The following MSRA variants were observed in gnomAD, a reference collection of about 807,000 sequenced individuals.
MSRA encodes methionine sulfoxide reductase A.
MSRA carries 54 observed loss-of-function variants against 31.3 expected under a neutral mutation model. That is an observed-to-expected ratio of 1.73 (90% CI 1.39 to 2.17). The LOEUF is 2.17. Among genes scored for constraint, MSRA ranks in the 30% most tolerant of loss-of-function variants. The probability of loss-of-function intolerance (pLI) is 0.00; values close to 1 mark genes in which losing one functional copy is unlikely to be tolerated. For missense variants in MSRA, 507 were observed against 300.9 expected (o/e 1.69, Z -5.07); for synonymous variants, 169 against 116.5 (o/e 1.45, Z -2.90).
intron 5 of MSRA, among the ~76,000 whole-genome samples, chr8:10,423,105 C>T (rs918036297): frequency 3.3e-5 from 5 of 152,234 alleles, no homozygotes; most frequent in East Asian, 1.9e-4. Flanking sequence ...TCGGCAGTCA[C>T]GAATGGTCAG....
At chr8:10,347,563 T>A (rs1211168030) in intron 5 of MSRA, among the ~76,000 whole-genome samples, 1 of 152,216 alleles carries the variant, frequency 6.6e-6, no homozygotes, top group Non-Finnish European at 1.5e-5. Context: ...TGGTTTGGAC[T>A]CTGACCTCAG....
In MSRA at chr8:10,193,859, C is replaced by G. The variant is rs571276838; in HGVS notation, c.143-13974C>G. ...TAGCTGATTTACATGTGCTGTATCTCTAGTAAGGGCAGGATTTTTTAAAAA... is the reference window on the plus strand; with the variant it reads ...TAGCTGATTTACATGTGCTGTATCTGTAGTAAGGGCAGGATTTTTTAAAAA... On this transcript the variant is annotated intron_variant, in intron 1 of 5. Coordinates refer to ENST00000317173, the MANE Select transcript of MSRA (RefSeq NM_012331.5). 7.9e-5 allele frequency among the ~76,000 whole-genome samples: 12 copies of G among 152,172 alleles called. No individual in the cohort carries two copies. In the South Asian group the frequency reaches 2.1e-3, roughly 26 times the overall value.
intron 2 of MSRA, among the ~76,000 whole-genome samples, chr8:10,208,286 A>T (rs1319771818): frequency 2.0e-5 from 3 of 152,144 alleles, no homozygotes; most frequent in Non-Finnish European, 4.4e-5. Context: ...ATTATTACAC[A>T]AAGATTAATC....
chr8:10,149,419 C>T (rs917261185), intron 1 of MSRA, among the ~76,000 whole-genome samples: 13 of 152,136 alleles, frequency 8.5e-5, no homozygotes, highest in East Asian at 1.9e-4. Context: ...CCACCGCGCC[C>T]GGCTGAGAAA....
At chr8:10,112,949 C>T (rs1343050550) in intron 1 of MSRA, among the ~76,000 whole-genome samples, 2 of 152,116 alleles carry the variant, frequency 1.3e-5, no homozygotes, top group Admixed American at 6.5e-5. Context: ...TCATTCCTGA[C>T]CACCCCGTCT....
At chr8:10,247,780 G>T (rs773438569) in intron 3 of MSRA, among the ~76,000 whole-genome samples, 1 of 152,052 alleles carries the variant, frequency 6.6e-6, no homozygotes, top group Non-Finnish European at 1.5e-5. Context: ...AGGCTTTTTT[G>T]TTGTTGTTGT....
At chr8:10,183,507 C>T (rs1245006911) in intron 1 of MSRA, among the ~76,000 whole-genome samples, 1 of 152,138 alleles carries the variant, frequency 6.6e-6, no homozygotes, top group Non-Finnish European at 1.5e-5. Context: ...CAGTCAGGGG[C>T]AGACCAAGGG....
intron 4 of MSRA, 103 bp from the exon 5 acceptor site, chr8:10,319,780 G>A (rs1173819702): frequency 3.7e-6 from 2 of 543,214 alleles, no homozygotes; most frequent in East Asian, 3.4e-5. Flanking sequence ...TCAGGCACAG[G>A]GACCATATGA....
intron 1 of MSRA, among the ~76,000 whole-genome samples, chr8:10,121,886 G>A (rs556205623): frequency 1.6e-4 from 24 of 147,464 alleles, no homozygotes; most frequent in African/African-American, 5.8e-4. Context: ...TTGTTATGTT[G>A]CCCAGGCTGG....
Position 10,176,134 on chromosome 8 carries a change from T to C in MSRA, c.143-31699T>C, listed in dbSNP as rs571187349. Among the ~76,000 whole-genome samples the C allele has an allele frequency of 2.0e-5, 3 of 152,340 alleles. No individual in the cohort carries two copies. In the East Asian group the frequency reaches 5.8e-4, roughly 29 times the overall value. ...GGAAATCTGTGTTTAATGCAGATCT[T>C]TTAAGCAGTTTGAAACGATCTCAAA... On this transcript the variant is annotated intron_variant, in intron 1 of 5. Transcript: ENST00000317173.
At chr8:10,068,205 C>T (rs75691029) in intron 1 of MSRA, among the ~76,000 whole-genome samples, 1 of 152,054 alleles carries the variant, frequency 6.6e-6, no homozygotes, top group African/African-American at 2.4e-5. Context: ...TTTAAGAGCT[C>T]TTTGTATATT....
chr8:10,306,580 G>A (rs375710539), intron 4 of MSRA, among the ~76,000 whole-genome samples: 1 of 152,088 alleles, frequency 6.6e-6, no homozygotes, highest in Non-Finnish European at 1.5e-5. Flanking sequence ...GGTGCTGACA[G>A]TGGTGATGAG....
intron 1 of MSRA, among the ~76,000 whole-genome samples, chr8:10,164,886 G>A (rs938363847): frequency 5.3e-5 from 8 of 152,104 alleles, no homozygotes; most frequent in African/African-American, 1.9e-4. Context: ...AAATTAGCCT[G>A]GTGTTGTCGC....
chr8:10,354,376 C>T (rs542779796), intron 5 of MSRA, among the ~76,000 whole-genome samples: 1 of 152,320 alleles, frequency 6.6e-6, no homozygotes, highest in South Asian at 2.1e-4. Context: ...GACACAACAG[C>T]AAGAATGAGT....
rs924729037 is a variant in MSRA, at chr8:10,428,130, C to G, written c.544-18C>G. ...TCTCTAGCATGGGAGCTGATGGCGC[C>G]TTTCTGTGTCCCCACAGGTTCTTTC... On this transcript the variant is annotated intron_variant, in intron 5 of 5. Coordinates refer to ENST00000317173, the MANE Select transcript of MSRA (RefSeq NM_012331.5). 6.2e-7 allele frequency: 1 copy of G among 1,606,096 alleles called. No homozygotes were observed. Among genetic ancestry groups the G allele is most frequent in the Admixed American group, 1.7e-5 (1 of 57,834 alleles).
chr8:10,061,267 G>C (rs1156767645), intron 1 of MSRA, among the ~76,000 whole-genome samples: 1 of 152,090 alleles, frequency 6.6e-6, no homozygotes, highest in African/African-American at 2.4e-5. Flanking sequence ...TGCACACTTG[G>C]ATCTTTTTAC....
intron 5 of MSRA, chr8:10,337,829 C>T (rs575918138): frequency 2.8e-5 from 20 of 702,304 alleles, no homozygotes; most frequent in African/African-American, 2.4e-4. Context: ...TAGTATGCAG[C>T]AAGGTGCCTT....
intron 1 of MSRA, among the ~76,000 whole-genome samples, chr8:10,126,133 A>G (rs1341559672): frequency 1.3e-5 from 2 of 152,200 alleles, no homozygotes; most frequent in East Asian, 3.9e-4. Context: ...AGGTTCTTCT[A>G]ATTAATACAT....
chr8:10,186,164 A>G lies in MSRA; in HGVS notation c.143-21669A>G, dbSNP rs1482154549. On this transcript the variant is annotated intron_variant, in intron 1 of 5. Coordinates refer to ENST00000317173, the MANE Select transcript of MSRA (RefSeq NM_012331.5). Reference sequence around the variant, plus strand: ...CCTTTCCTCACGTGGCCCTTTTCCTATCATGTATTCACCTCTTCACTGAAA... The same window carrying G: ...CCTTTCCTCACGTGGCCCTTTTCCTGTCATGTATTCACCTCTTCACTGAAA... Among the ~76,000 whole-genome samples, 2 of 152,122 alleles carry G rather than the reference A, an allele frequency of 1.3e-5. 1 individual carries two copies. Among genetic ancestry groups the G allele is most frequent in the Non-Finnish European group, 2.9e-5 (2 of 68,028 alleles).
Sources: allele counts gnomAD v4.1 joint callset (sites outside exome capture counted in the v4.1 genomes callset), GRCh38; gene constraint gnomAD v4.1.1; transcripts MANE v1.5; gene names NCBI Gene and HGNC (gene_info 2026-07-23, HGNC 2026-07-21).